FCN2: variants seen among roughly 807,000 people sequenced by gnomAD.
FCN2 encodes ficolin 2.
A neutral mutation model predicts 32.5 loss-of-function variants in FCN2; 31 were observed. The observed-to-expected ratio is 0.96, with a 90% CI of 0.72 to 1.29. The LOEUF (loss-of-function observed/expected upper bound fraction) is 1.29. Ranked by LOEUF, FCN2 falls within the 50% of genes most tolerant of loss-of-function variation. The pLI, the probability that FCN2 is intolerant of heterozygous loss-of-function variation, is 0.00. For missense variants in FCN2, 412 were observed against 406.5 expected (o/e 1.01, Z -0.12); for synonymous variants, 181 against 164.5 (o/e 1.10, Z -0.77).
chr9:134,886,008 G>A, intron 6 of FCN2, 111 bp downstream of exon 6: 2 of 1,170,366 alleles, frequency 1.7e-6, no homozygotes, highest in Non-Finnish European at 2.4e-6. Flanking sequence ...AGGGGATTGG[G>A]CCCTGAGCAC....
At chr9:134,866,595 CA>C in the FCN2 span, among the ~76,000 whole-genome samples, 11 of 150,494 alleles carry the variant, frequency 7.3e-5, no homozygotes, top group Non-Finnish European at 1.5e-5. Context: ...ACTTCATGTC[CA>C]AAACACCAAA....
chr9:134,872,646 C>T, the FCN2 span, among the ~76,000 whole-genome samples: 7 of 152,120 alleles, frequency 4.6e-5, no homozygotes, highest in East Asian at 3.9e-4. Flanking sequence ...GAGCGTGGTG[C>T]GGGGGAACTC....
chr9:134,868,770 C>T, the FCN2 span, among the ~76,000 whole-genome samples: 2 of 152,226 alleles, frequency 1.3e-5, no homozygotes, highest in Non-Finnish European at 2.9e-5. This position sits in a 1 kb window ranked among gnomAD's most constrained non-coding sequence, Gnocchi z 4.3. Context: ...TTGCCCTGCC[C>T]TGACCAGTGA....
the FCN2 span, among the ~76,000 whole-genome samples, chr9:134,868,723 G>A: frequency 1.3e-5 from 2 of 152,196 alleles, no homozygotes; most frequent in Admixed American, 6.5e-5. This position sits in a 1 kb window ranked among gnomAD's most constrained non-coding sequence, Gnocchi z 4.3. Context: ...ATCAGTGCTT[G>A]CTTGCCTCAC....
At position 134,887,460 on chromosome 9, in the gene FCN2, T is replaced by C. The variant is rs4521835; in HGVS notation, c.*45T>C. 9.4e-6 allele frequency: 15 copies of C among 1,595,378 alleles called. No homozygotes were observed. In the African/African-American group the frequency reaches 1.3e-4, roughly 14 times the overall value. ...CAGGACGCCTCCACACATAGTTGGTTGGGGGGTAGGGTTGGGAGCTTGGCC... is the reference window on the plus strand; with the variant it reads ...CAGGACGCCTCCACACATAGTTGGTCGGGGGGTAGGGTTGGGAGCTTGGCC... On this transcript the variant is annotated 3_prime_UTR_variant, in exon 8 of 8. Coordinates refer to ENST00000291744, the MANE Select transcript of FCN2 (RefSeq NM_004108.3).
chr9:134,881,020 C>A, intron 1 of FCN2, 99 bp downstream of exon 1: 1 of 832,270 alleles, frequency 1.2e-6, no homozygotes, highest in Non-Finnish European at 2.0e-6. Flanking sequence ...TTGCACCAGG[C>A]CGTGTGGAGC....
chr9:134,872,134 T>C, the FCN2 span, among the ~76,000 whole-genome samples: 1,605 of 152,306 alleles, frequency 0.011, 30 homozygotes, highest in African/African-American at 0.034. Context: ...CCTTTCACTG[T>C]AGTCATACTC....
At chr9:134,884,995 A>G (rs1830724028) in intron 4 of FCN2, among the ~76,000 whole-genome samples, 1 of 152,372 alleles carries the variant, frequency 6.6e-6, no homozygotes, top group East Asian at 1.9e-4. Flanking sequence ...AATCTACGCC[A>G]GAAGGCCGGG....
chr9:134,880,153 C>A (rs118040565), upstream of FCN2, among the ~76,000 whole-genome samples: 11 of 152,250 alleles, frequency 7.2e-5, no homozygotes, highest in East Asian at 1.9e-3. Flanking sequence ...CAAGGTCTCC[C>A]CTTCAGATGT....
At chr9:134,883,870 A>AT (rs1830704227) in intron 3 of FCN2, among the ~76,000 whole-genome samples, 1 of 28,780 alleles carries the variant, frequency 3.5e-5, no homozygotes. Flanking sequence ...GGCTGTCTGT[A>AT]TGGGGGGGTT....
At chr9:134,872,750 G>A in the FCN2 span, among the ~76,000 whole-genome samples, 7 of 152,118 alleles carry the variant, frequency 4.6e-5, no homozygotes, top group African/African-American at 7.2e-5. Context: ...ACCTCCTACC[G>A]GGTCCCTCCC....
the FCN2 span, among the ~76,000 whole-genome samples, chr9:134,871,930 C>T: frequency 6.6e-6 from 1 of 151,428 alleles, no homozygotes; most frequent in Non-Finnish European, 1.5e-5. Context: ...CGTTGCAATC[C>T]CACCCACCCC....
At chr9:134,867,406 C>T in the FCN2 span, among the ~76,000 whole-genome samples, 2 of 148,248 alleles carry the variant, frequency 1.3e-5, no homozygotes, top group Non-Finnish European at 3.0e-5. Context: ...AACCAAACAC[C>T]GCATATTCTC....
the FCN2 span, among the ~76,000 whole-genome samples, chr9:134,870,160 C>T: frequency 1.3e-5 from 2 of 152,194 alleles, no homozygotes; most frequent in African/African-American, 4.8e-5. The surrounding 1 kb of genome is among the most constrained non-coding windows in gnomAD (Gnocchi z 4.3). Context: ...GCAAACCCCC[C>T]TCTGTGGGAC....
At position 134,880,922 on chromosome 9, in the gene FCN2, G is replaced by C; in HGVS notation, c.100+1G>C. 6.2e-7 allele frequency: 1 copy of C among 1,609,418 alleles called. No homozygotes were observed. The highest frequency in any genetic ancestry group is 2.2e-5 in the East Asian group (1 of 44,852). ...CTCCAGGCGGCAGACACCTGTCCAG[G>C]TAAGGGCACTCCAGGGCCTCCTCCT... On this transcript the variant is annotated splice_donor_variant, in intron 1 of 7. Transcript: ENST00000291744. LOFTEE classifies it high-confidence loss of function.
chr9:134,886,606 G>T (rs1253130459), intron 7 of FCN2, 42 bp downstream of exon 7: 1 of 1,611,056 alleles, frequency 6.2e-7, no homozygotes, highest in South Asian at 1.1e-5. Context: ...GCTTCTGAGG[G>T]GGGTTTGGGA....
chr9:134,871,790 G>A, the FCN2 span, among the ~76,000 whole-genome samples: 1 of 152,176 alleles, frequency 6.6e-6, no homozygotes, highest in Non-Finnish European at 1.5e-5. Context: ...GCCTAGAGGG[G>A]TGTACTTGAC....
chr9:134,887,473 T>G lies in FCN2; in HGVS notation c.*58T>G. On this transcript the variant is annotated 3_prime_UTR_variant, in exon 8 of 8. Coordinates refer to ENST00000291744, the MANE Select transcript of FCN2 (RefSeq NM_004108.3). ...CACATAGTTGGTTGGGGGGTAGGGT[T>G]GGGAGCTTGGCCCTACGGTTTGTAA... is the stretch of plus-strand genomic sequence containing the variant. 3 of 1,546,612 alleles carry G rather than the reference T, an allele frequency of 1.9e-6. No homozygotes were observed. The highest frequency in any genetic ancestry group is 2.7e-6 in the Non-Finnish European group (3 of 1,121,794).
intron 1 of FCN2, among the ~76,000 whole-genome samples, chr9:134,881,206 G>A (rs529536649): frequency 1.6e-4 from 24 of 152,326 alleles, no homozygotes; most frequent in Non-Finnish European, 2.6e-4. Context: ...CGTAAAAAGC[G>A]TAGTCATGGT....
Sources: gnomAD v4.1 joint callset for allele counts (sites outside exome capture counted in the v4.1 genomes callset) on GRCh38, gnomAD v4.1.1 for gene constraint, Gnocchi (gnomAD v3.1) non-coding constraint, MANE v1.5 for transcripts, NCBI Gene and HGNC (gene_info 2026-07-23, HGNC 2026-07-21) for gene names.